The following NXN variants were observed in gnomAD, a reference collection of about 807,000 sequenced individuals.
The protein encoded by NXN is nucleoredoxin, also known as nucleoredoxin 1.
In NXN, 16 loss-of-function variants were observed where a neutral mutation model predicts 48.6. That is an observed-to-expected ratio of 0.33 (90% CI 0.22 to 0.50). The LOEUF (loss-of-function observed/expected upper bound fraction) is 0.50, where lower values mean the gene tolerates loss of function less well. Among genes scored for constraint, NXN ranks in the 20% least tolerant of loss-of-function variants. The pLI, the probability that NXN is intolerant of heterozygous loss-of-function variation, is 0.98. For synonymous variants in NXN, 281 were observed against 269.6 expected (o/e 1.04, Z -0.41); for missense variants, 492 against 605.5 (o/e 0.81, Z 1.97).
chr17:970,501 T>A (rs891113454), intron 1 of NXN, among the ~76,000 whole-genome samples: 12 of 151,552 alleles, frequency 7.9e-5, no homozygotes, highest in African/African-American at 2.7e-4. Flanking sequence ...GAGAAGAGGT[T>A]CTCGCTCTCC....
intron 2 of NXN, among the ~76,000 whole-genome samples, chr17:824,396 T>C (rs1912985586): frequency 6.6e-6 from 1 of 152,172 alleles, no homozygotes; most frequent in African/African-American, 2.4e-5. Context: ...ATCCTGAGGC[T>C]GGAGACCCAG....
At chr17:809,463 C>T (rs1435946132) in intron 5 of NXN, among the ~76,000 whole-genome samples, 1 of 152,140 alleles carries the variant, frequency 6.6e-6, no homozygotes, top group African/African-American at 2.4e-5. Flanking sequence ...CAACGAGACA[C>T]GGAGTTTTGA....
chr17:882,256 C>A (rs1379422983), intron 1 of NXN, among the ~76,000 whole-genome samples: 2 of 152,092 alleles, frequency 1.3e-5, no homozygotes, highest in Admixed American at 6.6e-5. Context: ...CCCTCCCTCC[C>A]TGCCTTTCCC....
chr17:977,850 C>T (rs1476915788), intron 1 of NXN, among the ~76,000 whole-genome samples: 1 of 152,202 alleles, frequency 6.6e-6, no homozygotes, highest in East Asian at 1.9e-4. Context: ...CATATTCATA[C>T]TATATCAAGC....
chr17:969,376 T>C (rs572266065), intron 1 of NXN, among the ~76,000 whole-genome samples: 126 of 152,348 alleles, frequency 8.3e-4, no homozygotes, highest in African/African-American at 2.9e-3. Flanking sequence ...TTCCAGTCTA[T>C]ATTCTTCGTC....
chr17:837,788 C>T (rs529360910), intron 1 of NXN, among the ~76,000 whole-genome samples: 2 of 152,174 alleles, frequency 1.3e-5, no homozygotes, highest in African/African-American at 2.4e-5. Flanking sequence ...GGAAAGGGGC[C>T]GGGGGTCCGG....
At chr17:810,151 C>G (rs62070004) in intron 5 of NXN, among the ~76,000 whole-genome samples, 1,293 of 46,852 alleles carry the variant, frequency 0.028, 14 homozygotes, top group African/African-American at 0.046. Context: ...GAGTCTGTGA[C>G]TGGCGTGCAC....
chr17:960,888 T>A (rs1483729979), intron 1 of NXN, among the ~76,000 whole-genome samples: 1 of 150,348 alleles, frequency 6.7e-6, no homozygotes, highest in Non-Finnish European at 1.5e-5. Context: ...CAGGTTCAAG[T>A]GATTCTCCTG....
At chr17:838,123 C>CTTATTT (rs1196301886) in intron 1 of NXN, among the ~76,000 whole-genome samples, 3 of 125,928 alleles carry the variant, frequency 2.4e-5, no homozygotes, top group East Asian at 2.9e-4. Context: ...TTTTCCTTTC[C>CTTATTT]TTCTTTTTTT....
At chr17:927,880 C>T (rs114698016) in intron 1 of NXN, among the ~76,000 whole-genome samples, 1 of 152,040 alleles carries the variant, frequency 6.6e-6, no homozygotes, top group African/African-American at 2.4e-5. Flanking sequence ...TGAGTCTGCA[C>T]GTGATGTTCC....
chr17:850,668 G>A (rs968160019), intron 1 of NXN, among the ~76,000 whole-genome samples: 4 of 152,166 alleles, frequency 2.6e-5, no homozygotes, highest in African/African-American at 7.2e-5. Context: ...GAGTCAGGAG[G>A]GACGAAGGCG....
In NXN at chr17:883,303, T is replaced by A. The variant is rs112780111; in HGVS notation, c.361-57225A>T. 2.1e-3 allele frequency among the ~76,000 whole-genome samples: 314 copies of A among 152,296 alleles called. 1 individual carries two copies. Among genetic ancestry groups the A allele is most frequent in the African/African-American group, 6.9e-3 (288 of 41,572 alleles). On this transcript the variant is annotated intron_variant, in intron 1 of 7. Transcript: ENST00000336868. ...GACTGTCTCTTACTGAATCTGTTTC[T>A]GAGACATGGAAACACCCTGTTCACA...
chr17:882,460 G>GT (rs1555618138), intron 1 of NXN, among the ~76,000 whole-genome samples: 12 of 151,228 alleles, frequency 7.9e-5, no homozygotes, highest in South Asian at 2.1e-4. Context: ...GGTTTCTTTT[G>GT]TTTGTTTTGT....
At chr17:859,274 C>T (rs941912570) in intron 1 of NXN, among the ~76,000 whole-genome samples, 1 of 152,090 alleles carries the variant, frequency 6.6e-6, no homozygotes, top group Non-Finnish European at 1.5e-5. Flanking sequence ...TCAAAGCGGT[C>T]GTTTGGAAGT....
In NXN at chr17:825,025, T is replaced by C. The variant is rs1567819151; in HGVS notation, c.478+936A>G. ...TGGGCGGATTGCTTGAGCTCAAAAG[T>C]TTTGAGACCAGCCTGGGCAAGCCTA... On this transcript the variant is annotated intron_variant, in intron 2 of 7. Coordinates refer to ENST00000336868, the MANE Select transcript of NXN (RefSeq NM_022463.5). The surrounding 1 kb of genome is among the most constrained non-coding windows in gnomAD (Gnocchi z 4.1). Among the ~76,000 whole-genome samples, 3 of 151,926 alleles carry C rather than the reference T, an allele frequency of 2.0e-5. No individual in the cohort carries two copies. Among genetic ancestry groups the C allele is most frequent in the Admixed American group, 6.6e-5 (1 of 15,258 alleles).
intron 1 of NXN, among the ~76,000 whole-genome samples, chr17:863,486 G>T (rs1178586046): frequency 6.6e-6 from 1 of 151,206 alleles, no homozygotes; most frequent in East Asian, 2.0e-4. Context: ...TTTGAGACAG[G>T]GTCTCGCTCT....
At chr17:902,788 T>C (rs1013832040) in intron 1 of NXN, among the ~76,000 whole-genome samples, 5 of 151,062 alleles carry the variant, frequency 3.3e-5, no homozygotes, top group African/African-American at 9.8e-5. Flanking sequence ...CATTCTTTTT[T>C]TTTTTTTTTA....
intron 1 of NXN, among the ~76,000 whole-genome samples, chr17:889,707 GAA>G (rs751766261): frequency 1.7e-4 from 7 of 40,734 alleles, no homozygotes; most frequent in African/African-American, 7.9e-4. Context: ...GAAAAAGAAA[GAA>G]AGAAAGAAAG....
At chr17:915,901 C>G (rs80057934) in intron 1 of NXN, among the ~76,000 whole-genome samples, 4,311 of 147,304 alleles carry the variant, frequency 0.029, 200 homozygotes, top group East Asian at 0.19. Context: ...CTCCCCCTCT[C>G]CCAGTTCTTT....
Sources: gnomAD v4.1 joint callset for allele counts (sites outside exome capture counted in the v4.1 genomes callset) on GRCh38, gnomAD v4.1.1 for gene constraint, Gnocchi (gnomAD v3.1) non-coding constraint, MANE v1.5 for transcripts, NCBI Gene and HGNC (gene_info 2026-07-23, HGNC 2026-07-21) for gene names.